EMSY: variants seen among roughly 807,000 people sequenced by gnomAD.
The protein encoded by EMSY is BRCA2-interacting transcriptional repressor EMSY.
Under a neutral mutation model 134.6 loss-of-function variants are expected in EMSY, and 26 were observed. The observed-to-expected ratio is 0.19, with a 90% CI of 0.14 to 0.27. EMSY has a LOEUF of 0.27. Among genes scored for constraint, EMSY ranks in the 10% least tolerant of loss-of-function variants. EMSY has a pLI of 1.00. For missense variants in EMSY, 1,305 were observed against 1,611.4 expected (o/e 0.81, Z 3.26); for synonymous variants, 579 against 577.8 (o/e 1.00, Z -0.03).
chr11:76,461,533 G>A (rs959205828), intron 6 of EMSY, among the ~76,000 whole-genome samples: 6 of 152,166 alleles, frequency 3.9e-5, no homozygotes, highest in East Asian at 1.9e-4. Flanking sequence ...AAGAAAAAAC[G>A]CAGAATCTAG....
At position 76,546,312 on chromosome 11, in the gene EMSY, G is replaced by T; in HGVS notation, c.3774+15G>T. The T allele has an allele frequency of 6.3e-7, 1 of 1,592,110 alleles. No homozygotes were observed. The highest frequency in any genetic ancestry group is 8.5e-7 in the Non-Finnish European group (1 of 1,169,706). On this transcript the variant is annotated intron_variant, in intron 20 of 20. Coordinates refer to ENST00000334736, the Ensembl canonical transcript of EMSY. Reference sequence around the variant, plus strand: ...TTATCATCCAGGTAAGAATTGGAAGGAAAATGAGAAATCTTGTGCATCTTG... The same window carrying T: ...TTATCATCCAGGTAAGAATTGGAAGTAAAATGAGAAATCTTGTGCATCTTG...
chr11:76,523,249 C>G (rs780781477), exon 12 of EMSY: 1 of 1,613,638 alleles, frequency 6.2e-7, no homozygotes, highest in African/African-American at 1.3e-5. Flanking sequence ...CCATTCAAGG[C>G]CTCCCGGGCA....
rs535564919 is a variant in EMSY at position 76,460,153 on chromosome 11, C to A, written c.571+68C>A. On this transcript the variant is annotated intron_variant, in intron 6 of 20. Transcript: ENST00000334736. ...TGCTGCAGTCTAGGCTCTGATTAGA[C>A]CTGCCTTCCTGGATTAAATCATTGG... The A allele has an allele frequency of 4.3e-5, 66 of 1,533,514 alleles. No individual in the cohort carries two copies. In the African/African-American group the frequency reaches 7.8e-4, roughly 18 times the overall value. The allele number at this position is 1,533,514 out of a possible 1,614,324, so 95.0% of individuals were successfully genotyped here.
At chr11:76,452,132 T>C (rs1947694766) in intron 3 of EMSY, among the ~76,000 whole-genome samples, 175 bp downstream of exon 3, 1 of 152,216 alleles carries the variant, frequency 6.6e-6, no homozygotes, top group Admixed American at 6.5e-5. Flanking sequence ...AATTGTATAA[T>C]TTACCATTTA....
chr11:76,505,375 T>TG (rs1950033178), intron 9 of EMSY, among the ~76,000 whole-genome samples: 6 of 148,558 alleles, frequency 4.0e-5, no homozygotes, highest in South Asian at 2.1e-4. Context: ...TTTTTTTTTT[T>TG]TTTTTTGTAG....
At chr11:76,529,513 C>T (rs1447770963) in intron 14 of EMSY, among the ~76,000 whole-genome samples, 1 of 152,082 alleles carries the variant, frequency 6.6e-6, no homozygotes, top group Non-Finnish European at 1.5e-5. Context: ...CTAGACCCTA[C>T]AGAAGAGTAC....
chr11:76,537,714 G>T, intron 15 of EMSY, 81 bp from the exon 17 acceptor site: 1 of 1,304,218 alleles, frequency 7.7e-7, no homozygotes, highest in African/African-American at 1.5e-5. Flanking sequence ...CAGAGGTCTG[G>T]TTCATTATTC....
At chr11:76,537,925 A>G (rs1431025461) in exon 16 of EMSY, 3 of 1,613,352 alleles carry the variant, frequency 1.9e-6, no homozygotes, top group East Asian at 2.2e-5. Context: ...TAGAGTCAGA[A>G]CTAGTAGCTG....
At chr11:76,537,100 G>C (rs1200283868) in intron 15 of EMSY, among the ~76,000 whole-genome samples, 1 of 152,072 alleles carries the variant, frequency 6.6e-6, no homozygotes, top group Non-Finnish European at 1.5e-5. Context: ...GTTCTTTGTC[G>C]TTGACATGCT....
chr11:76,546,135 A>T, exon 20 of EMSY: 2 of 1,614,202 alleles, frequency 1.2e-6, no homozygotes, highest in Non-Finnish European at 1.7e-6. Context: ...CTCCCCAGCA[A>T]CAGAAATGTA....
At chr11:76,462,945 G>A (rs990865075) in intron 6 of EMSY, among the ~76,000 whole-genome samples, 5 of 152,354 alleles carry the variant, frequency 3.3e-5, no homozygotes, top group Admixed American at 6.5e-5. Flanking sequence ...CAGACTGGAA[G>A]CATGGACATC....
intron 8 of EMSY, among the ~76,000 whole-genome samples, chr11:76,485,910 C>T (rs1949158598): frequency 6.6e-6 from 1 of 152,100 alleles, no homozygotes; most frequent in South Asian, 2.1e-4. Context: ...GGCATATACC[C>T]AAAGGATTAT....
At chr11:76,457,767 T>C (rs1947934747) in intron 4 of EMSY, among the ~76,000 whole-genome samples, 1 of 152,218 alleles carries the variant, frequency 6.6e-6, no homozygotes, top group Non-Finnish European at 1.5e-5. Flanking sequence ...AATTCCATCC[T>C]TAATTAAGGA....
intron 8 of EMSY, among the ~76,000 whole-genome samples, chr11:76,479,242 G>C (rs954711205): frequency 1.3e-5 from 2 of 152,198 alleles, no homozygotes; most frequent in South Asian, 4.1e-4. Context: ...AGTGCCAGCT[G>C]ATGCCACAAG....
intron 6 of EMSY, among the ~76,000 whole-genome samples, chr11:76,463,356 G>A (rs1012135302): frequency 6.0e-5 from 9 of 150,548 alleles, no homozygotes; most frequent in African/African-American, 2.0e-4. Flanking sequence ...GGGCGCGGTG[G>A]CTCACGCCTG....
chr11:76,510,257 G>A (rs571514181), intron 9 of EMSY, among the ~76,000 whole-genome samples: 9 of 152,212 alleles, frequency 5.9e-5, no homozygotes, highest in Admixed American at 1.3e-4. Flanking sequence ...GAAGGTTGGG[G>A]CAAGAGGATT....
At chr11:76,453,581 G>A in intron 4 of EMSY, 193 bp downstream of exon 4, 1 of 440,812 alleles carries the variant, frequency 2.3e-6, no homozygotes, top group East Asian at 3.8e-5. Context: ...ATTTGGTTAG[G>A]CAAGCTTTAA....
intron 4 of EMSY, among the ~76,000 whole-genome samples, chr11:76,457,219 T>C (rs1947908645): frequency 6.6e-6 from 1 of 152,184 alleles, no homozygotes; most frequent in Non-Finnish European, 1.5e-5. Flanking sequence ...TGAGAATGGG[T>C]GGACATACAG....
At chr11:76,455,348 C>T (rs1947826676) in intron 4 of EMSY, among the ~76,000 whole-genome samples, 1 of 152,012 alleles carries the variant, frequency 6.6e-6, no homozygotes, top group Admixed American at 6.6e-5. Flanking sequence ...GTTTTATCTA[C>T]TTGTTGAGCT....
Sources: gnomAD v4.1 joint callset for allele counts (sites outside exome capture counted in the v4.1 genomes callset) on GRCh38, gnomAD v4.1.1 for gene constraint, MANE v1.5 for transcripts, NCBI Gene and HGNC (gene_info 2026-07-23, HGNC 2026-07-21) for gene names.